TENT4B: variants seen among roughly 807,000 people sequenced by gnomAD.
TENT4B encodes terminal nucleotidyltransferase 4B, also known as PAP associated domain containing 5.
A neutral mutation model predicts 75.0 loss-of-function variants in TENT4B; 10 were observed. The ratio of observed to expected loss-of-function variants is 0.13; its 90% confidence interval spans 0.08 to 0.23. The LOEUF is 0.23. Among genes scored for constraint, TENT4B ranks in the 10% least tolerant of loss-of-function variants. The pLI is 1.00. For synonymous variants in TENT4B, 350 were observed against 357.7 expected (o/e 0.98, Z 0.24); for missense variants, 579 against 893.8 (o/e 0.65, Z 4.49).
Position 50,234,454 on chromosome 16 carries a change from A to G in TENT4B, c.*5126A>G. 1 of 985,424 alleles carries G rather than the reference A, an allele frequency of 1.0e-6. No homozygotes were observed. Among genetic ancestry groups the G allele is most frequent in the Non-Finnish European group, 1.2e-6 (1 of 829,920 alleles). 61.0% of individuals were successfully genotyped at this position (985,424 alleles called of 1,614,324 possible). ...GTTATCAGCCACATTCTTGGAGTTAATATTTTTCTTCATCTTTCAGTTTGG... is the reference window on the plus strand; with the variant it reads ...GTTATCAGCCACATTCTTGGAGTTAGTATTTTTCTTCATCTTTCAGTTTGG... On this transcript the variant is annotated 3_prime_UTR_variant, in exon 12 of 12. Coordinates refer to ENST00000561678, the MANE Select transcript of TENT4B (RefSeq NM_001365324.3).
At chr16:50,184,262 A>G (rs980352194) in intron 1 of TENT4B, among the ~76,000 whole-genome samples, 9 of 152,222 alleles carry the variant, frequency 5.9e-5, no homozygotes, top group African/African-American at 2.2e-4. Context: ...AGCATGTATC[A>G]TTACTTTATC....
intron 2 of TENT4B, among the ~76,000 whole-genome samples, chr16:50,213,479 T>C (rs182309127): frequency 6.4e-4 from 98 of 152,356 alleles, no homozygotes; most frequent in African/African-American, 2.3e-3. Flanking sequence ...CTGATGTTCT[T>C]TGTGGAATTG....
chr16:50,220,677 T>C (rs1300615586), intron 5 of TENT4B, among the ~76,000 whole-genome samples: 2 of 151,994 alleles, frequency 1.3e-5, no homozygotes, highest in African/African-American at 2.4e-5. Flanking sequence ...TACATATGTG[T>C]GCCACCACGC....
chr16:50,154,054 G>C lies in TENT4B; in HGVS notation c.433G>C (p.Val145Leu). Residue 145 changes from valine to leucine, a missense_variant, in exon 1 of 12, where the codon GTC becomes CTC. Val to Leu is a conservative substitution (Grantham distance 32). This residue lies in a region of TENT4B where 253 missense variants were observed against 270.1 expected (regional missense o/e 0.94). Coordinates refer to ENST00000561678, the MANE Select transcript of TENT4B (RefSeq NM_001365324.3). ...ASSSPHPSAA[V>L]PAADPADSAS... ...CTCGTCCCCGCACCCTTCGGCCGCC[G>C]TCCCCGCCGCCGATCCAGCCGATTC... 1 of 1,530,668 alleles carries C rather than the reference G, an allele frequency of 6.5e-7. No homozygotes were observed. The highest frequency in any genetic ancestry group is 8.7e-7 in the Non-Finnish European group (1 of 1,144,696). The allele number at this position is 1,530,668 out of a possible 1,614,324, so 94.8% of individuals were successfully genotyped here. A position where few individuals can be genotyped will look rare whatever the true frequency, so the allele number is the denominator to read the frequency against.
chr16:50,211,389 G>A lies in TENT4B; in HGVS notation c.705G>A (p.Arg235=). 6.2e-7 allele frequency: 1 copy of A among 1,608,682 alleles called. No individual in the cohort carries two copies. The change falls in exon 2 of 12, where the codon CGG becomes CGA. Residue 235 remains arginine, a synonymous_variant. Coordinates refer to ENST00000561678, the MANE Select transcript of TENT4B (RefSeq NM_001365324.3). Reference sequence around the variant, plus strand: ...CAAGACCTGAGGAGGAGAAGATGCGGATGGAGGTGGTGAACAGGATCGAGA... The same window carrying A: ...CAAGACCTGAGGAGGAGAAGATGCGAATGGAGGTGGTGAACAGGATCGAGA... ...MSPRPEEEKM[R]MEVVNRIESV...
intron 1 of TENT4B, among the ~76,000 whole-genome samples, chr16:50,201,953 AG>A (rs2030681077): frequency 6.6e-6 from 1 of 151,796 alleles, no homozygotes. Flanking sequence ...TAGACAACAT[AG>A]TGAGACATCG....
intron 1 of TENT4B, among the ~76,000 whole-genome samples, chr16:50,162,164 G>T (rs1328689158): frequency 6.6e-6 from 1 of 152,114 alleles, no homozygotes; most frequent in African/African-American, 2.4e-5. Context: ...GTAGTCCATA[G>T]TATGGCTGAA....
In TENT4B at chr16:50,231,371, ATAATAT is replaced by A; in HGVS notation, c.*2047_*2052del. 1.0e-6 allele frequency: 1 copy of A among 981,038 alleles called. No individual in the cohort carries two copies. Among genetic ancestry groups the A allele is most frequent in the Non-Finnish European group, 1.2e-6 (1 of 825,500 alleles). 60.8% of individuals were successfully genotyped at this position (981,038 alleles called of 1,614,324 possible). A position where few individuals can be genotyped will look rare whatever the true frequency, so the allele number is the denominator to read the frequency against. On this transcript the variant is annotated 3_prime_UTR_variant, in exon 12 of 12. Coordinates refer to ENST00000561678, the MANE Select transcript of TENT4B (RefSeq NM_001365324.3). Reference sequence around the variant, plus strand: ...TGCTAAGGGAACAATTATTTATAAAATAATATTAAATCCAGTATTAGCTGCCTATTT... The same window carrying A: ...TGCTAAGGGAACAATTATTTATAAAATAAATCCAGTATTAGCTGCCTATTT...
chr16:50,224,548 A>T, intron 7 of TENT4B, 109 bp from the exon 8 acceptor site: 2 of 1,397,386 alleles, frequency 1.4e-6, no homozygotes, highest in Non-Finnish European at 1.9e-6. Flanking sequence ...TTCCAGGCAC[A>T]ACTCTGGTGG....
intron 6 of TENT4B, among the ~76,000 whole-genome samples, 188 bp downstream of exon 6, chr16:50,222,622 A>G (rs2031879272): frequency 6.6e-6 from 1 of 152,246 alleles, no homozygotes; most frequent in African/African-American, 2.4e-5. Flanking sequence ...AATTCCTATG[A>G]AAGAATATTT....
intron 1 of TENT4B, among the ~76,000 whole-genome samples, chr16:50,178,584 G>A (rs1203343221): frequency 1.3e-5 from 2 of 152,128 alleles, no homozygotes; most frequent in Non-Finnish European, 2.9e-5. Flanking sequence ...TAGATAATAT[G>A]TGGTGTATGA....
At chr16:50,228,315 A>G (rs146381066) in intron 11 of TENT4B, among the ~76,000 whole-genome samples, 1 of 152,208 alleles carries the variant, frequency 6.6e-6, no homozygotes, top group Admixed American at 6.5e-5. Context: ...AGGTTTTGTG[A>G]GGCCTCATGG....
At chr16:50,219,257 C>G (rs1040399823) in intron 5 of TENT4B, among the ~76,000 whole-genome samples, 4 of 152,142 alleles carry the variant, frequency 2.6e-5, no homozygotes, top group Non-Finnish European at 5.9e-5. Context: ...TTCTCATTGC[C>G]AATTATTGTT....
chr16:50,232,705 A>G lies in TENT4B; in HGVS notation c.*3377A>G. On this transcript the variant is annotated 3_prime_UTR_variant, in exon 12 of 12. Coordinates refer to ENST00000561678, the MANE Select transcript of TENT4B (RefSeq NM_001365324.3). ...TCTCCAGTGACTAGGAGGTGTAGTT[A>G]TTAAGGTTGATCTGTTAGAAATCAC... The G allele has an allele frequency of 1.0e-6, 1 of 985,274 alleles. No homozygotes were observed. The highest frequency in any genetic ancestry group is 1.2e-6 in the Non-Finnish European group (1 of 829,918). 61.0% of individuals were successfully genotyped at this position (985,274 alleles called of 1,614,324 possible).
At chr16:50,207,554 G>C (rs1355542746) in intron 1 of TENT4B, among the ~76,000 whole-genome samples, 1 of 152,158 alleles carries the variant, frequency 6.6e-6, no homozygotes, top group Non-Finnish European at 1.5e-5. Flanking sequence ...TACAGGTTCA[G>C]ATCACGGAAG....
At chr16:50,171,405 G>A (rs1653193474) in intron 1 of TENT4B, among the ~76,000 whole-genome samples, 1 of 152,014 alleles carries the variant, frequency 6.6e-6, no homozygotes, top group Admixed American at 6.6e-5. Context: ...AACTCTGGCT[G>A]TGGTGGGGAA....
intron 1 of TENT4B, among the ~76,000 whole-genome samples, chr16:50,176,587 A>C (rs976321439): frequency 5.8e-5 from 7 of 121,704 alleles, no homozygotes; most frequent in African/African-American, 2.2e-4. Context: ...TCTCACTGCA[A>C]CCTCTGCCTC....
chr16:50,209,915 C>G (rs917802764), intron 1 of TENT4B, among the ~76,000 whole-genome samples: 6 of 152,054 alleles, frequency 3.9e-5, no homozygotes, highest in Non-Finnish European at 7.4e-5. Context: ...TTTTCCTTCC[C>G]TAAAACAATT....
intron 1 of TENT4B, among the ~76,000 whole-genome samples, chr16:50,186,545 T>A (rs1479664366): frequency 1.3e-5 from 2 of 152,216 alleles, no homozygotes; most frequent in Non-Finnish European, 2.9e-5. Context: ...GCCGTGAACA[T>A]TGATAACCAA....
Sources: gnomAD v4.1 joint callset for allele counts (sites outside exome capture counted in the v4.1 genomes callset) on GRCh38, gnomAD v4.1.1 for gene constraint, gnomAD v4.1.1 regional missense constraint, MANE v1.5 for transcripts, NCBI Gene and HGNC (gene_info 2026-07-23, HGNC 2026-07-21) for gene names.